The following SMYD3 variants were observed in gnomAD, a reference collection of about 807,000 sequenced individuals.
SMYD3 encodes histone-lysine N-methyltransferase SMYD3.
In SMYD3, 36 loss-of-function variants were observed where a neutral mutation model predicts 57.7. The observed-to-expected ratio is 0.62, with a 90% confidence interval of 0.48 to 0.82. The LOEUF (loss-of-function observed/expected upper bound fraction) is 0.82, where lower values mean the gene tolerates loss of function less well. SMYD3 is among the 40% of genes least tolerant of loss of function. The pLI is 0.00. For missense variants in SMYD3, 515 were observed against 538.8 expected (o/e 0.96, Z 0.44); for synonymous variants, 211 against 195.0 (o/e 1.08, Z -0.68).
intron 5 of SMYD3, among the ~76,000 whole-genome samples, chr1:246,090,356 C>T (rs1030305941): frequency 6.6e-6 from 1 of 151,998 alleles, no homozygotes; most frequent in African/African-American, 2.4e-5. Flanking sequence ...CCTTCAGTGA[C>T]AGCTGAACGT....
rs1491323831 is a variant in SMYD3, at chr1:245,921,547, G to GTATA, written c.703-5908_703-5907insTATA. On this transcript the variant is annotated intron_variant, in intron 7 of 11. Transcript: ENST00000490107. Reference sequence around the variant, plus strand: ...CATCAACAGTGAGCTAAAAAATGTGGTGTATATATATATATATATATATAC... The same window carrying GTATA: ...CATCAACAGTGAGCTAAAAAATGTGGTATATGTATATATATATATATATATATAC... Among the ~76,000 whole-genome samples the GTATA allele has an allele frequency of 5.8e-3, 205 of 35,110 alleles. 6 individuals carry two copies. Among genetic ancestry groups the GTATA allele is most frequent in the African/African-American group, 0.01 (163 of 15,530 alleles). 23.0% of individuals were successfully genotyped at this position (35,110 alleles called of 152,430 possible).
intron 5 of SMYD3, among the ~76,000 whole-genome samples, chr1:246,006,351 G>C (rs113961144): frequency 1.3e-5 from 2 of 152,184 alleles, no homozygotes; most frequent in South Asian, 4.2e-4. Context: ...GGGGAGACAC[G>C]GGTGGTGAGG....
chr1:245,816,875 C>T (rs987580082), intron 10 of SMYD3, among the ~76,000 whole-genome samples: 29 of 146,524 alleles, frequency 2.0e-4, no homozygotes, highest in African/African-American at 5.8e-4. Context: ...GATTATATCC[C>T]GCATCTGGCT....
intron 5 of SMYD3, among the ~76,000 whole-genome samples, chr1:246,255,329 AT>A (rs1422707641): frequency 2.0e-5 from 3 of 149,552 alleles, no homozygotes; most frequent in East Asian, 2.0e-4. Context: ...TATAATAATA[AT>A]TATTATTATT....
At chr1:246,099,683 C>A (rs777867843) in intron 5 of SMYD3, among the ~76,000 whole-genome samples, 1 of 152,074 alleles carries the variant, frequency 6.6e-6, no homozygotes, top group Non-Finnish European at 1.5e-5. Context: ...AAAAAAAACA[C>A]CCTTGGCATA....
intron 5 of SMYD3, among the ~76,000 whole-genome samples, chr1:245,986,073 C>T (rs535524264): frequency 1.2e-4 from 18 of 152,304 alleles, no homozygotes; most frequent in East Asian, 1.2e-3. Context: ...GTAGAGTAAG[C>T]GAGTCTACCA....
intron 5 of SMYD3, among the ~76,000 whole-genome samples, chr1:246,142,408 C>T (rs1318647134): frequency 6.6e-6 from 1 of 151,986 alleles, no homozygotes; most frequent in Admixed American, 6.6e-5. Context: ...GAAGGAAGCA[C>T]TTTACAGCTT....
At chr1:245,783,595 A>C (rs148612435) in intron 10 of SMYD3, among the ~76,000 whole-genome samples, 1 of 152,328 alleles carries the variant, frequency 6.6e-6, no homozygotes, top group Non-Finnish European at 1.5e-5. Context: ...GAAAGGAAAA[A>C]ATAAGCTGCC....
At chr1:246,250,092 A>G (rs1407615880) in intron 5 of SMYD3, among the ~76,000 whole-genome samples, 2 of 152,200 alleles carry the variant, frequency 1.3e-5, no homozygotes, top group Non-Finnish European at 2.9e-5. Context: ...TAAAAATTCT[A>G]TAAAATCTAA....
chr1:246,075,414 T>C (rs2060529723), intron 5 of SMYD3, among the ~76,000 whole-genome samples: 2 of 152,140 alleles, frequency 1.3e-5, no homozygotes, highest in African/African-American at 4.8e-5. Context: ...GCCACTAAGT[T>C]TGTGGTACTT....
chr1:245,997,470 A>AT (rs1369209373), intron 5 of SMYD3, among the ~76,000 whole-genome samples: 2 of 152,130 alleles, frequency 1.3e-5, no homozygotes, highest in Non-Finnish European at 2.9e-5. Context: ...AAGAAAAACT[A>AT]TTTTTTTGGC....
At chr1:246,345,882 C>T (rs1337999813) in intron 2 of SMYD3, among the ~76,000 whole-genome samples, 1 of 152,164 alleles carries the variant, frequency 6.6e-6, no homozygotes, top group Non-Finnish European at 1.5e-5. Flanking sequence ...CCCTTAAACC[C>T]CAGGATCCCC....
intron 10 of SMYD3, among the ~76,000 whole-genome samples, chr1:245,793,171 T>C (rs768301670): frequency 8.7e-5 from 13 of 150,030 alleles, no homozygotes; most frequent in South Asian, 4.3e-4. Flanking sequence ...GAGCCGGGCA[T>C]GGTGGCGGGT....
At chr1:246,456,893 T>C (rs1269776523) in intron 1 of SMYD3, among the ~76,000 whole-genome samples, 1 of 152,214 alleles carries the variant, frequency 6.6e-6, no homozygotes, top group Non-Finnish European at 1.5e-5. Flanking sequence ...ACCCAGGGCT[T>C]AGCTTTATTA....
chr1:246,212,754 C>T (rs2063109989), intron 5 of SMYD3, among the ~76,000 whole-genome samples: 1 of 152,040 alleles, frequency 6.6e-6, no homozygotes, highest in Non-Finnish European at 1.5e-5. Context: ...TTTTTCATTT[C>T]CATAAAGATC....
chr1:246,149,728 C>T (rs1199383555), intron 5 of SMYD3, among the ~76,000 whole-genome samples: 1 of 152,046 alleles, frequency 6.6e-6, no homozygotes, highest in Non-Finnish European at 1.5e-5. Flanking sequence ...CAGACAAAAC[C>T]CCAAAATATG....
At chr1:246,078,821 G>A (rs1480785113) in intron 5 of SMYD3, among the ~76,000 whole-genome samples, 1 of 152,188 alleles carries the variant, frequency 6.6e-6, no homozygotes, top group Non-Finnish European at 1.5e-5. Flanking sequence ...AGAGGGAAAA[G>A]TCAACGATGA....
chr1:245,955,878 T>G (rs1334545925), intron 5 of SMYD3: 7 of 142,376 alleles, frequency 4.9e-5, no homozygotes, highest in Non-Finnish European at 5.6e-5. Flanking sequence ...TGTTTTGGGT[T>G]TTTTTTTTTT....
chr1:246,012,291 A>G (rs2059296808), intron 5 of SMYD3, among the ~76,000 whole-genome samples: 1 of 152,206 alleles, frequency 6.6e-6, no homozygotes, highest in Admixed American at 6.5e-5. Context: ...CTCTTATTTC[A>G]CACTGTGAAA....
Sources: gnomAD v4.1 joint callset for allele counts (sites outside exome capture counted in the v4.1 genomes callset) on GRCh38, gnomAD v4.1.1 for gene constraint, MANE v1.5 for transcripts, NCBI Gene and HGNC (gene_info 2026-07-23, HGNC 2026-07-21) for gene names.